Variants in NAA11 observed in about 807,000 individuals in gnomAD.
NAA11 encodes the protein N-alpha-acetyltransferase 11.
NAA11 carries 15 observed loss-of-function variants against 16.1 expected under a neutral mutation model. The observed-to-expected ratio is 0.93, with a 90% CI of 0.62 to 1.44. The LOEUF is 1.44. Ranked by LOEUF, NAA11 falls within the 40% of genes most tolerant of loss-of-function variation. The pLI is 0.00. For synonymous variants in NAA11, 122 were observed against 112.4 expected (o/e 1.09, Z -0.54); for missense variants, 298 against 291.3 (o/e 1.02, Z -0.17).
At chr4:79,189,079 G>A in the NAA11 span, among the ~76,000 whole-genome samples, 49 of 140,014 alleles carry the variant, frequency 3.5e-4, no homozygotes, top group Middle Eastern at 8.2e-3. Flanking sequence ...CCGGGAGGCG[G>A]AGCTTGCAGT....
chr4:79,325,119 A>G, intron 1 of NAA11, 57 bp downstream of exon 1: 1 of 1,442,098 alleles, frequency 6.9e-7, no homozygotes, highest in Non-Finnish European at 9.3e-7. Flanking sequence ...TGGGCAGGCC[A>G]AGGCAGGATG....
intron 2 of NAA11, among the ~76,000 whole-genome samples, chr4:79,274,000 A>G (rs1198507909): frequency 6.6e-6 from 1 of 152,012 alleles, no homozygotes; most frequent in Non-Finnish European, 1.5e-5. Context: ...AAGGTGACAC[A>G]TGCTGTCAGT....
At chr4:79,212,398 G>A in the NAA11 span, among the ~76,000 whole-genome samples, 1 of 152,056 alleles carries the variant, frequency 6.6e-6, no homozygotes, top group African/African-American at 2.4e-5. Context: ...AGCCTAGTTT[G>A]TTGGGATGTT....
At chr4:79,272,073 AAC>A (rs773662807) in intron 2 of NAA11, among the ~76,000 whole-genome samples, 82 of 152,056 alleles carry the variant, frequency 5.4e-4, no homozygotes, top group Admixed American at 1.9e-3. Context: ...ATACATATAC[AAC>A]ACACACATAT....
At chr4:79,169,028 C>T in the NAA11 span, among the ~76,000 whole-genome samples, 1 of 152,188 alleles carries the variant, frequency 6.6e-6, no homozygotes, top group South Asian at 2.1e-4. Context: ...GAATAAAATA[C>T]CTAGGAATAC....
rs566378679 is a variant in NAA11 at position 79,325,539 on chromosome 4, C to A, written c.339G>T (p.Lys113Asn). Reference sequence around the variant, plus strand: ...AAAGGTGCAAGGCTGGCCGGTTACTCTTCCTGACGTGCAGAGACACGTATT... The same window carrying A: ...AAAGGTGCAAGGCTGGCCGGTTACTATTCCTGACGTGCAGAGACACGTATT... The part of the protein sequence containing the change: ...NAKYVSLHVR[K>N]SNRPALHLYS... The change falls in exon 1 of 2, where the codon AAG becomes AAT. Residue 113 changes from lysine to asparagine, a missense_variant. By Grantham distance (94) the Lys-to-Asn change is moderately conservative. Transcript: ENST00000286794. The A allele has an allele frequency of 3.5e-5, 56 of 1,614,146 alleles. 1 individual carries two copies. In the South Asian group the frequency reaches 5.9e-4, roughly 17 times the overall value.
the NAA11 span, among the ~76,000 whole-genome samples, chr4:79,180,901 TA>T: frequency 6.6e-6 from 1 of 152,014 alleles, no homozygotes; most frequent in Admixed American, 6.5e-5. Flanking sequence ...TATGCAGCCA[TA>T]AAAAAGGATG....
intron 2 of NAA11, among the ~76,000 whole-genome samples, chr4:79,278,399 C>G (rs1189083047): frequency 1.3e-5 from 2 of 152,106 alleles, no homozygotes; most frequent in Non-Finnish European, 2.9e-5. Flanking sequence ...CCTGAATTAC[C>G]TAGTTCCTAC....
Position 79,317,699 on chromosome 4 carries a change from T to C in NAA11, c.*105A>G, listed in dbSNP as rs1342105804. 1 of 152,294 alleles carries C rather than the reference T, an allele frequency of 6.6e-6. No homozygotes were observed. The highest frequency in any genetic ancestry group is 1.5e-5 in the Non-Finnish European group (1 of 68,102). 9.4% of individuals were successfully genotyped at this position (152,294 alleles called of 1,614,324 possible). On this transcript the variant is annotated 3_prime_UTR_variant, in exon 2 of 2. Coordinates refer to ENST00000286794, the MANE Select transcript of NAA11 (RefSeq NM_032693.3). ...AAGAGTGAGAAGCCATTCTGGTCAC[T>C]GTGAGATGATCCCCACAGCAGATGC... is the stretch of plus-strand genomic sequence containing the variant.
At chr4:79,309,338 A>T (rs1330971719) in intron 1 of NAA11, among the ~76,000 whole-genome samples, 1 of 152,186 alleles carries the variant, frequency 6.6e-6, no homozygotes, top group African/African-American at 2.4e-5. Flanking sequence ...ATAAACACTG[A>T]TGAAAATCAC....
chr4:79,207,264 G>A, the NAA11 span, among the ~76,000 whole-genome samples: 63 of 151,098 alleles, frequency 4.2e-4, no homozygotes, highest in African/African-American at 1.4e-3. Context: ...AGTGGGCAGC[G>A]GATATTTGCA....
chr4:79,207,491 C>A, the NAA11 span, among the ~76,000 whole-genome samples: 3 of 151,742 alleles, frequency 2.0e-5, no homozygotes, highest in East Asian at 3.9e-4. Context: ...TGCAAGCACA[C>A]AGCAAGAAGT....
At chr4:79,157,108 G>T in the NAA11 span, among the ~76,000 whole-genome samples, 1 of 151,874 alleles carries the variant, frequency 6.6e-6, no homozygotes, top group East Asian at 1.9e-4. Flanking sequence ...TTATTTTTTA[G>T]TTTTTATTTC....
At chr4:79,287,569 T>A (rs1379943541) in intron 2 of NAA11, among the ~76,000 whole-genome samples, 1 of 152,106 alleles carries the variant, frequency 6.6e-6, no homozygotes, top group Non-Finnish European at 1.5e-5. Context: ...TTATTTGCTG[T>A]AAATTACATC....
At chr4:79,311,441 CTT>C (rs1723766071) in intron 1 of NAA11, among the ~76,000 whole-genome samples, 1 of 152,140 alleles carries the variant, frequency 6.6e-6, no homozygotes. Flanking sequence ...ACAATTTTCT[CTT>C]TCATACATTG....
intron 1 of NAA11, among the ~76,000 whole-genome samples, chr4:79,307,668 A>C (rs746964245): frequency 6.6e-6 from 1 of 152,252 alleles, no homozygotes; most frequent in Non-Finnish European, 1.5e-5. Context: ...TGGGAGACAC[A>C]TAAAACCTCA....
the NAA11 span, among the ~76,000 whole-genome samples, chr4:79,217,299 C>G: frequency 6.6e-6 from 1 of 152,150 alleles, no homozygotes. Flanking sequence ...CAATGGAAAG[C>G]TACTACCTAT....
At chr4:79,158,809 A>G in the NAA11 span, among the ~76,000 whole-genome samples, 1 of 151,536 alleles carries the variant, frequency 6.6e-6, no homozygotes, top group Non-Finnish European at 1.5e-5. Context: ...AAATAAGCCC[A>G]AATACTTAGA....
chr4:79,261,297 T>C (rs956682917), intron 2 of NAA11, among the ~76,000 whole-genome samples: 8 of 152,190 alleles, frequency 5.3e-5, no homozygotes, highest in African/African-American at 1.9e-4. Flanking sequence ...ATGCTTCAGG[T>C]ATTGTTTTGG....
Sources: gnomAD v4.1 joint callset for allele counts (sites outside exome capture counted in the v4.1 genomes callset) on GRCh38, gnomAD v4.1.1 for gene constraint, MANE v1.5 for transcripts, NCBI Gene and HGNC (gene_info 2026-07-23, HGNC 2026-07-21) for gene names.